The following PCDHAC2 variants were observed in gnomAD, a reference collection of about 807,000 sequenced individuals.
The protein encoded by PCDHAC2 is protocadherin alpha subfamily C, 2.
PCDHAC2 carries 24 observed loss-of-function variants against 63.3 expected under a neutral mutation model. That is an observed-to-expected ratio of 0.38 (90% CI 0.27 to 0.53). PCDHAC2 has a LOEUF of 0.53. Among genes scored for constraint, PCDHAC2 ranks in the 20% least tolerant of loss-of-function variants. The pLI is 0.81. For synonymous variants in PCDHAC2, 569 were observed against 529.4 expected (o/e 1.07, Z -1.03); for missense variants, 1,181 against 1,275.2 (o/e 0.93, Z 1.12).
At chr5:140,996,795 C>G (rs1554255407) in intron 3 of PCDHAC2, among the ~76,000 whole-genome samples, 1 of 152,170 alleles carries the variant, frequency 6.6e-6, no homozygotes, top group East Asian at 1.9e-4. Flanking sequence ...CTCCCTACAT[C>G]CAATCATGCT....
chr5:140,991,588 C>T (rs1252872687), intron 3 of PCDHAC2, among the ~76,000 whole-genome samples: 3 of 152,212 alleles, frequency 2.0e-5, no homozygotes, highest in African/African-American at 7.2e-5. Flanking sequence ...TTATTTCTAC[C>T]TGAGCCCTCA....
chr5:140,970,854 T>TC (rs112843531), intron 1 of PCDHAC2, among the ~76,000 whole-genome samples: 13,960 of 152,238 alleles, frequency 0.092, 852 homozygotes, highest in African/African-American at 0.17. Context: ...GCACAAAAGT[T>TC]CCATTCCTGA....
intron 3 of PCDHAC2, among the ~76,000 whole-genome samples, chr5:140,999,235 T>C (rs1407252981): frequency 6.6e-6 from 1 of 152,154 alleles, no homozygotes; most frequent in Non-Finnish European, 1.5e-5. Context: ...GAATAGGTGG[T>C]TAAAGTGGGA....
chr5:140,966,654 T>C lies in PCDHAC2; in HGVS notation c.-113T>C. 8.4e-7 allele frequency: 1 copy of C among 1,185,100 alleles called. No individual in the cohort carries two copies. Among genetic ancestry groups the C allele is most frequent in the Non-Finnish European group, 1.1e-6 (1 of 906,244 alleles). 73.4% of individuals were successfully genotyped at this position (1,185,100 alleles called of 1,614,324 possible). On this transcript the variant is annotated 5_prime_UTR_variant, in exon 1 of 4. Coordinates refer to ENST00000289269, the MANE Select transcript of PCDHAC2 (RefSeq NM_018899.6). ...CAGGCGCTTTCTAGAGCGTGAGCGG[T>C]GGGGGAGCAGGCGCAGGGTGGCACG...
intron 1 of PCDHAC2, among the ~76,000 whole-genome samples, chr5:140,972,402 G>A (rs1554234110): frequency 6.6e-6 from 1 of 151,784 alleles, no homozygotes; most frequent in Non-Finnish European, 1.5e-5. Context: ...TTCACTATTG[G>A]CAAACCCTGT....
intron 3 of PCDHAC2, among the ~76,000 whole-genome samples, chr5:140,984,282 C>T (rs543279467): frequency 6.6e-6 from 1 of 152,296 alleles, no homozygotes; most frequent in Admixed American, 6.5e-5. Flanking sequence ...ATACATTCTC[C>T]CTCCCATTGG....
intron 3 of PCDHAC2, among the ~76,000 whole-genome samples, chr5:140,991,311 G>A (rs1036350235): frequency 3.3e-5 from 5 of 152,108 alleles, no homozygotes; most frequent in Admixed American, 2.0e-4. Context: ...ATCTTGTCCC[G>A]CATGATACAT....
chr5:140,967,212 C>T lies in PCDHAC2; in HGVS notation c.446C>T (p.Pro149Leu). 6.2e-7 allele frequency: 1 copy of T among 1,613,630 alleles called. No homozygotes were observed. Among genetic ancestry groups the T allele is most frequent in the Middle Eastern group, 1.6e-4 (1 of 6,062 alleles). Residue 149 changes from proline to leucine, a missense_variant, in exon 1 of 4, where the codon CCG becomes CTG. Around this residue, in one of 3 missense-constraint regions of PCDHAC2, gnomAD observed 968 missense variants for 1,073.5 expected, o/e 0.90. Coordinates refer to ENST00000289269, the MANE Select transcript of PCDHAC2 (RefSeq NM_018899.6). ...ATCAACGACAACTCACCGCGTTTCC[C>T]GCGGCCCAACTACCAGCTTCAGGTA... ...LDINDNSPRF[P>L]RPNYQLQVSE...
In PCDHAC2 at chr5:140,968,446, C is replaced by T; in HGVS notation, c.1680C>T (p.Ser560=). Residue 560 remains serine (S), a synonymous_variant, in exon 1 of 4, where the codon AGC becomes AGT. Coordinates refer to ENST00000289269, the MANE Select transcript of PCDHAC2 (RefSeq NM_018899.6). ...EAQDKGSPPL[S]STVTANVYVV... is the part of the protein sequence containing the mutation. ...AGGACAAGGGGAGCCCACCACTGAGCAGCACTGTGACTGCCAACGTATATG... is the reference window on the plus strand; with the variant it reads ...AGGACAAGGGGAGCCCACCACTGAGTAGCACTGTGACTGCCAACGTATATG... The T allele has an allele frequency of 6.2e-7, 1 of 1,614,046 alleles. No homozygotes were observed. Among genetic ancestry groups the T allele is most frequent in the Non-Finnish European group, 8.5e-7 (1 of 1,179,998 alleles).
At position 140,967,486 on chromosome 5, in the gene PCDHAC2, G is replaced by A. The variant is rs782309199; in HGVS notation, c.720G>A (p.Thr240=). The A allele has an allele frequency of 2.5e-6, 4 of 1,612,986 alleles. No individual in the cohort carries two copies. The African/African-American group carries it at 4.0e-5, about 16-fold the overall frequency. The part of the protein sequence containing the change: ...VDGGIPARSG[T]AQISVRVLDT... ...GGGGCATCCCAGCCCGCTCGGGTAC[G>A]GCACAGATCTCTGTGCGTGTCCTGG... The change falls in exon 1 of 4, where the codon ACG becomes ACA. Residue 240 remains threonine (T), a synonymous_variant. Coordinates refer to ENST00000289269, the MANE Select transcript of PCDHAC2 (RefSeq NM_018899.6).
intron 3 of PCDHAC2, among the ~76,000 whole-genome samples, chr5:141,008,010 T>C (rs2098356270): frequency 6.6e-6 from 1 of 152,214 alleles, no homozygotes; most frequent in African/African-American, 2.4e-5. Context: ...TAAACTTCTG[T>C]TTCCTTTTTT....
chr5:140,972,540 T>G (rs1375467339), intron 1 of PCDHAC2, among the ~76,000 whole-genome samples: 2 of 152,148 alleles, frequency 1.3e-5, no homozygotes, highest in Non-Finnish European at 2.9e-5. Flanking sequence ...AAATCACTTG[T>G]GCAGTGAGGA....
In PCDHAC2 at chr5:141,010,177, C is replaced by T; in HGVS notation, c.*240C>T. 3 of 1,556,196 alleles carry T rather than the reference C, an allele frequency of 1.9e-6. No homozygotes were observed. The highest frequency in any genetic ancestry group is 1.7e-4 in the Middle Eastern group (1 of 6,000). On this transcript the variant is annotated 3_prime_UTR_variant, in exon 4 of 4. Coordinates refer to ENST00000289269, the MANE Select transcript of PCDHAC2 (RefSeq NM_018899.6). ...TGGCTTGTTTTCAGAACCTAAAAAG[C>T]AGACCCAAGTTTCCTTTCTCCTCCG... is the stretch of plus-strand genomic sequence containing the variant.
intron 3 of PCDHAC2, among the ~76,000 whole-genome samples, chr5:141,000,339 ATC>A (rs1414297743): frequency 2.0e-5 from 2 of 102,334 alleles, no homozygotes; most frequent in Admixed American, 1.0e-4. Context: ...GCAAGGCCCT[ATC>A]TCTCTCTCTG....
chr5:140,967,111 T>G lies in PCDHAC2; in HGVS notation c.345T>G (p.Pro115=). The G allele has an allele frequency of 6.2e-7, 1 of 1,612,990 alleles. No individual in the cohort carries two copies. The highest frequency in any genetic ancestry group is 2.2e-5 in the East Asian group (1 of 44,852). ...IDREALCEQR[P]RCLLSLEVLA... is the part of the protein sequence containing the mutation. ...GGGAGGCGCTGTGTGAGCAGCGGCCTCGCTGCCTGCTCAGCTTGGAAGTGC... is the reference window on the plus strand; with the variant it reads ...GGGAGGCGCTGTGTGAGCAGCGGCCGCGCTGCCTGCTCAGCTTGGAAGTGC... The change falls in exon 1 of 4, where the codon CCT becomes CCG. Residue 115 remains proline, a synonymous_variant. Coordinates refer to ENST00000289269, the MANE Select transcript of PCDHAC2 (RefSeq NM_018899.6).
chr5:140,996,262 C>G (rs943119390), intron 3 of PCDHAC2, among the ~76,000 whole-genome samples: 1 of 152,182 alleles, frequency 6.6e-6, no homozygotes. Flanking sequence ...CAACACAGAG[C>G]CTGGGATTGC....
intron 3 of PCDHAC2, among the ~76,000 whole-genome samples, chr5:141,007,393 TAC>T (rs2098323171): frequency 8.5e-5 from 2 of 23,408 alleles, no homozygotes; most frequent in East Asian, 1.4e-3. Flanking sequence ...TCTACTAAAA[TAC>T]AAAAAAAAAA....
rs35184029 is a variant in PCDHAC2 at position 140,997,668 on chromosome 5, T to TTGTG, written c.2714-11933_2714-11930dup. 2.7e-3 allele frequency among the ~76,000 whole-genome samples: 396 copies of TTGTG among 148,340 alleles called. 1 individual carries two copies. Among genetic ancestry groups the TTGTG allele is most frequent in the African/African-American group, 5.1e-3 (207 of 40,232 alleles). On this transcript the variant is annotated intron_variant, in intron 3 of 3. Transcript: ENST00000289269. ...AATGCAATATGTATTATTATACAGC[T>TTGTG]TGTGTGTGTGTGTGTGTGTGTGTGT...
intron 1 of PCDHAC2, among the ~76,000 whole-genome samples, chr5:140,975,597 T>C (rs2096674133): frequency 6.6e-6 from 1 of 152,242 alleles, no homozygotes; most frequent in Non-Finnish European, 1.5e-5. Context: ...GAGGGCAATT[T>C]GTTGATGTCT....
Sources: gnomAD v4.1 joint callset for allele counts (sites outside exome capture counted in the v4.1 genomes callset) on GRCh38, gnomAD v4.1.1 for gene constraint, gnomAD v4.1.1 regional missense constraint, MANE v1.5 for transcripts, NCBI Gene and HGNC (gene_info 2026-07-23, HGNC 2026-07-21) for gene names.